The following PCDHA10 variants were observed in gnomAD, a reference collection of about 807,000 sequenced individuals.
The protein encoded by PCDHA10 is protocadherin alpha 10.
In PCDHA10, 45 loss-of-function variants were observed where a neutral mutation model predicts 61.2. The ratio of observed to expected loss-of-function variants is 0.74; its 90% CI spans 0.58 to 0.94. The LOEUF (loss-of-function observed/expected upper bound fraction) is 0.94. PCDHA10 is among the 40% of genes least tolerant of loss of function. The pLI is 0.00. For synonymous variants in PCDHA10, 602 were observed against 548.8 expected (o/e 1.10, Z -1.35); for missense variants, 1,278 against 1,236.2 (o/e 1.03, Z -0.51).
At chr5:140,917,047 G>A (rs183820401) in intron 1 of PCDHA10, among the ~76,000 whole-genome samples, 11 of 152,262 alleles carry the variant, frequency 7.2e-5, no homozygotes, top group Admixed American at 5.2e-4. Context: ...GCACAGTGTT[G>A]TTCCCTGCTA....
intron 1 of PCDHA10, chr5:140,864,601 A>C (rs2048532983): frequency 6.6e-6 from 1 of 152,200 alleles, no homozygotes; most frequent in Non-Finnish European, 1.5e-5. Context: ...TCAGATAGCC[A>C]ACAACTTTGT....
intron 1 of PCDHA10, among the ~76,000 whole-genome samples, chr5:140,885,621 T>G (rs528108703): frequency 1.3e-5 from 2 of 152,188 alleles, no homozygotes; most frequent in Non-Finnish European, 2.9e-5. Context: ...ATAAAATATG[T>G]CACTGGATTG....
At chr5:140,951,685 T>C (rs1305310211) in intron 1 of PCDHA10, among the ~76,000 whole-genome samples, 4 of 152,140 alleles carry the variant, frequency 2.6e-5, no homozygotes, top group African/African-American at 9.7e-5. Flanking sequence ...GGGATTACAA[T>C]GTGACATGAG....
At chr5:140,867,108 C>A (rs782819699) in intron 1 of PCDHA10, 4 of 152,072 alleles carry the variant, frequency 2.6e-5, no homozygotes, top group Admixed American at 2.6e-4. Flanking sequence ...CCTAAATTAA[C>A]ATATTGTTTT....
At chr5:140,967,425 C>T in intron 1 of PCDHA10, 1 of 1,613,294 alleles carries the variant, frequency 6.2e-7, no homozygotes, top group Non-Finnish European at 8.5e-7. Flanking sequence ...CGGGAGCAGG[C>T]AGCCTTGCAC....
chr5:140,930,985 A>G (rs2087229279), intron 1 of PCDHA10, among the ~76,000 whole-genome samples: 1 of 152,110 alleles, frequency 6.6e-6, no homozygotes, highest in Non-Finnish European at 1.5e-5. Context: ...TTTCTTCCTC[A>G]TGACCTACAC....
In PCDHA10 at chr5:140,915,351, C is replaced by G. The variant is rs75854979; in HGVS notation, c.2388+56915C>G. Among the ~76,000 whole-genome samples, 843 of 152,202 alleles carry G rather than the reference C, an allele frequency of 5.5e-3. 10 individuals carry two copies. Among genetic ancestry groups the G allele is most frequent in the African/African-American group, 0.019 (796 of 41,530 alleles). On this transcript the variant is annotated intron_variant, in intron 1 of 3. Coordinates refer to ENST00000307360, the MANE Select transcript of PCDHA10 (RefSeq NM_018901.4). ...TAATATTCTGTGTTTTTCTGTATGC[C>G]TATTCTTACCAGTAAGTGTCTCGGC...
chr5:140,929,539 G>A (rs155821), intron 1 of PCDHA10: 194,060 of 591,620 alleles, frequency 0.33, 32,601 homozygotes, highest in East Asian at 0.49. Flanking sequence ...TGAGAAACAA[G>A]GGCAAAAATT....
intron 1 of PCDHA10, chr5:140,877,670 C>A: frequency 6.2e-7 from 1 of 1,613,654 alleles, no homozygotes; most frequent in Non-Finnish European, 8.5e-7. Flanking sequence ...AGCCGGTGCG[C>A]GCCGGGCAAG....
intron 1 of PCDHA10, chr5:140,868,295 T>C (rs569295401): frequency 6.6e-6 from 1 of 152,272 alleles, no homozygotes; most frequent in African/African-American, 2.4e-5. Context: ...AGAATATGAA[T>C]ATATTTGTTT....
intron 1 of PCDHA10, among the ~76,000 whole-genome samples, chr5:140,974,318 A>G (rs2096622244): frequency 6.6e-6 from 1 of 152,206 alleles, no homozygotes; most frequent in Admixed American, 6.5e-5. Context: ...GTGAGAGAGT[A>G]GCTGCTGTGC....
chr5:140,901,263 G>A (rs967047702), intron 1 of PCDHA10, among the ~76,000 whole-genome samples: 1 of 151,938 alleles, frequency 6.6e-6, no homozygotes, highest in Admixed American at 6.6e-5. Flanking sequence ...GTGATTGTGG[G>A]GTATTACTCA....
chr5:140,899,672 T>C (rs1280165974), intron 1 of PCDHA10, among the ~76,000 whole-genome samples: 1 of 152,218 alleles, frequency 6.6e-6, no homozygotes, highest in Non-Finnish European at 1.5e-5. Flanking sequence ...CCGGCTTTGG[T>C]ATCAGGATGA....
chr5:140,857,181 C>CAGG lies in PCDHA10; in HGVS notation c.1136_1138dup (p.Gly379dup), dbSNP rs782645351. Reference sequence around the variant, plus strand: ...CTAATCAGCGTTTCTGACCATGATTCAGGAGCCAACGGACAGGTCACCTGC... The same window carrying CAGG: ...CTAATCAGCGTTTCTGACCATGATTCAGGAGGAGCCAACGGACAGGTCACCTGC... On this transcript the variant is annotated inframe_insertion, in exon 1 of 4. Transcript: ENST00000307360. The CAGG allele has an allele frequency of 1.3e-6, 2 of 1,598,372 alleles. No individual in the cohort carries two copies. Among genetic ancestry groups the CAGG allele is most frequent in the African/African-American group, 2.7e-5 (2 of 74,284 alleles).
At chr5:140,948,136 T>C (rs2094216707) in intron 1 of PCDHA10, among the ~76,000 whole-genome samples, 1 of 151,776 alleles carries the variant, frequency 6.6e-6, no homozygotes, top group African/African-American at 2.4e-5. Flanking sequence ...ATTACACTAA[T>C]TGATTTTTGA....
chr5:140,885,319 T>C (rs2060561832), intron 1 of PCDHA10, among the ~76,000 whole-genome samples: 1 of 152,216 alleles, frequency 6.6e-6, no homozygotes, highest in Admixed American at 6.5e-5. Context: ...TGTTATTATT[T>C]CTTTTCCAAA....
At chr5:140,872,095 C>G (rs2053482377) in intron 1 of PCDHA10, among the ~76,000 whole-genome samples, 1 of 152,150 alleles carries the variant, frequency 6.6e-6, no homozygotes, top group African/African-American at 2.4e-5. Context: ...GCACTTAGTC[C>G]ATTGGCTTTC....
rs558900138 is a variant in PCDHA10, at chr5:140,898,510, C to T, written c.2388+40074C>T. On this transcript the variant is annotated intron_variant, in intron 1 of 3. Coordinates refer to ENST00000307360, the MANE Select transcript of PCDHA10 (RefSeq NM_018901.4). ...AGATCAGATAGTTGTAGATATGCGG[C>T]GTTATTTCTGAGGGCTCTGTTCTGT... Among the ~76,000 whole-genome samples, 9 of 152,196 alleles carry T rather than the reference C, an allele frequency of 5.9e-5. No homozygotes were observed. In the South Asian group the frequency reaches 6.2e-4, roughly 11 times the overall value.
intron 1 of PCDHA10, chr5:140,966,785 A>G: frequency 6.6e-7 from 1 of 1,522,872 alleles, no homozygotes. Flanking sequence ...GGCGGGCACC[A>G]GACCTGCGGC....
Sources: allele counts gnomAD v4.1 joint callset (sites outside exome capture counted in the v4.1 genomes callset), GRCh38; gene constraint gnomAD v4.1.1; transcripts MANE v1.5; gene names NCBI Gene and HGNC (gene_info 2026-07-23, HGNC 2026-07-21).